The following TMEM44 variants were observed in gnomAD, a reference collection of about 807,000 sequenced individuals.
TMEM44 encodes transmembrane protein 44.
A neutral mutation model predicts 47.8 loss-of-function variants in TMEM44; 43 were observed. The observed-to-expected ratio is 0.90, with a 90% confidence interval of 0.70 to 1.16. TMEM44 has a LOEUF of 1.16. Ranked by LOEUF, TMEM44 falls within the 50% of genes most tolerant of loss-of-function variation. The pLI, the probability that TMEM44 is intolerant of heterozygous loss-of-function variation, is 0.00. For missense variants in TMEM44, 568 were observed against 555.2 expected (o/e 1.02, Z -0.23); for synonymous variants, 277 against 238.8 (o/e 1.16, Z -1.48).
intron 7 of TMEM44, among the ~76,000 whole-genome samples, chr3:194,614,872 A>C (rs1201281813): frequency 2.6e-5 from 4 of 152,224 alleles, no homozygotes; most frequent in Non-Finnish European, 2.9e-5. Context: ...ACATTTGTAT[A>C]ATTGCGAAAC....
rs760092862 is a variant in TMEM44, at chr3:194,611,026, A to T, written c.913-6T>A. The T allele has an allele frequency of 6.2e-7, 1 of 1,612,332 alleles. No individual in the cohort carries two copies. The highest frequency in any genetic ancestry group is 8.5e-7 in the Non-Finnish European group (1 of 1,178,636). On this transcript the variant is annotated splice_region_variant and splice_polypyrimidine_tract_variant and intron_variant, in intron 7 of 9. Transcript: ENST00000347147. The surrounding 1 kb of genome is among the most constrained non-coding windows in gnomAD (Gnocchi z 4.2). ...AGAGGCACCCAATCCAAATTCTTGC[A>T]AGTAGAGGCAGGGAGACAGAAAGGG...
Position 194,633,234 on chromosome 3 carries a change from G to C in TMEM44, c.-19C>G. 7.6e-7 allele frequency: 1 copy of C among 1,312,120 alleles called. No homozygotes were observed. The allele number at this position is 1,312,120 out of a possible 1,614,324, so 81.3% of individuals were successfully genotyped here. A position where few individuals can be genotyped will look rare whatever the true frequency, so the allele number is the denominator to read the frequency against. On this transcript the variant is annotated 5_prime_UTR_variant, in exon 1 of 10. Coordinates refer to ENST00000347147, the MANE Select transcript of TMEM44 (RefSeq NM_001011655.3). The stretch of plus-strand genomic sequence containing the variant: ...CCCCCATGGCGCGGCTGGGCGCGCG[G>C]CGCGGGGCCGGGGACCTGGGCGCAG...
intron 7 of TMEM44, among the ~76,000 whole-genome samples, chr3:194,613,438 A>G (rs1214454022): frequency 6.6e-6 from 1 of 151,944 alleles, no homozygotes; most frequent in Non-Finnish European, 1.5e-5. Flanking sequence ...TCGGCCTCCC[A>G]AAGTGCTGGC....
chr3:194,617,246 G>A lies in TMEM44; in HGVS notation c.636C>T (p.Ser212=). 6.5e-7 allele frequency: 1 copy of A among 1,544,700 alleles called. No homozygotes were observed. The highest frequency in any genetic ancestry group is 8.7e-7 in the Non-Finnish European group (1 of 1,143,664). The change falls in exon 6 of 10, where the codon TCC becomes TCT. Residue 212 remains serine (S), a synonymous_variant. Transcript: ENST00000347147. The part of the protein sequence containing the change: ...SRICRGKTFP[S]IHLWTRLLSA... ...ACAGGAGCCGGGTCCACAGGTGGAT[G>A]GAGGGAAATGTCTTCCCCCGGCACT... is the stretch of plus-strand genomic sequence containing the variant.
chr3:194,627,933 C>T (rs1717348317), intron 2 of TMEM44, among the ~76,000 whole-genome samples: 1 of 152,034 alleles, frequency 6.6e-6, no homozygotes, highest in African/African-American at 2.4e-5. Flanking sequence ...GAGCCAAGAC[C>T]AAGTCATTGC....
chr3:194,633,381 G>A lies in TMEM44; in HGVS notation c.-166C>T. On this transcript the variant is annotated 5_prime_UTR_variant, in exon 1 of 10. Transcript: ENST00000347147. ...GCGGGCAGAGAAGGGCGCGCTCCCG[G>A]GCGCGGGCGGCGGCGGCGAAGGCGC... 4.9e-6 allele frequency: 1 copy of A among 204,834 alleles called. No homozygotes were observed. The highest frequency in any genetic ancestry group is 8.7e-6 in the Non-Finnish European group (1 of 115,222). 12.7% of individuals were successfully genotyped at this position (204,834 alleles called of 1,614,324 possible).
rs867637945 is a variant in TMEM44 at position 194,625,432 on chromosome 3, G to C, written c.358+465C>G. 6.7e-3 allele frequency among the ~76,000 whole-genome samples: 635 copies of C among 95,356 alleles called. 6 individuals are homozygous for C. Among genetic ancestry groups the C allele is most frequent in the Admixed American group, 0.017 (171 of 10,130 alleles). 62.6% of individuals were successfully genotyped at this position (95,356 alleles called of 152,430 possible). On this transcript the variant is annotated intron_variant, in intron 3 of 9. Coordinates refer to ENST00000347147, the MANE Select transcript of TMEM44 (RefSeq NM_001011655.3). ...AATGAGACACTCTCCTTCTTTTTTGGGGGGGGGGGGTTGTTTTTGTTTTTT... is the reference window on the plus strand; with the variant it reads ...AATGAGACACTCTCCTTCTTTTTTGCGGGGGGGGGGTTGTTTTTGTTTTTT...
chr3:194,603,988 G>A (rs945450678), intron 9 of TMEM44, among the ~76,000 whole-genome samples: 2 of 151,948 alleles, frequency 1.3e-5, no homozygotes, highest in Non-Finnish European at 2.9e-5. Context: ...TGGGTAGCTG[G>A]GATAACAGGT....
chr3:194,604,457 G>C lies in TMEM44; in HGVS notation c.1018-12C>G. On this transcript the variant is annotated splice_polypyrimidine_tract_variant and intron_variant, in intron 8 of 9. Coordinates refer to ENST00000347147, the MANE Select transcript of TMEM44 (RefSeq NM_001011655.3). ...GCACTGCAGCCTGCCTGCAAGGTGT[G>C]TGAGAAAGGGCAGGCAAGGACACGT... 1 of 1,493,942 alleles carries C rather than the reference G, an allele frequency of 6.7e-7. No individual in the cohort carries two copies. The highest frequency in any genetic ancestry group is 9.0e-7 in the Non-Finnish European group (1 of 1,115,604). 92.5% of individuals were successfully genotyped at this position (1,493,942 alleles called of 1,614,324 possible).
chr3:194,593,130 C>A lies in TMEM44; in HGVS notation c.1177-4491G>T, dbSNP rs1478046868. The A allele has an allele frequency of 1.2e-5, 19 of 1,578,662 alleles. No individual in the cohort carries two copies. In the East Asian group the frequency reaches 3.8e-4, roughly 32 times the overall value. On this transcript the variant is annotated intron_variant, in intron 9 of 9. Coordinates refer to ENST00000347147, the MANE Select transcript of TMEM44 (RefSeq NM_001011655.3). The stretch of plus-strand genomic sequence containing the variant: ...TTGGACAGATTTTGCCACCATCCCA[C>A]AGCAGAGCAGAGCTCAGGACCAGCT...
At position 194,595,279 on chromosome 3, in the gene TMEM44, G is replaced by A. The variant is rs146350854; in HGVS notation, c.1177-6640C>T. On this transcript the variant is annotated intron_variant, in intron 9 of 9. Transcript: ENST00000347147. ...ATCACCTCCTCAAACCACTGCATACGGCATTTTAATTTGCCTCATGTCTAA... is the reference window on the plus strand; with the variant it reads ...ATCACCTCCTCAAACCACTGCATACAGCATTTTAATTTGCCTCATGTCTAA... Among the ~76,000 whole-genome samples the A allele has an allele frequency of 3.9e-4, 59 of 152,182 alleles. 1 individual carries two copies. The East Asian group carries it at 8.9e-3, about 23-fold the overall frequency.
At chr3:194,614,483 C>T (rs534147137) in intron 7 of TMEM44, among the ~76,000 whole-genome samples, 2 of 152,218 alleles carry the variant, frequency 1.3e-5, no homozygotes, top group Non-Finnish European at 2.9e-5. Flanking sequence ...TGGCTCACTG[C>T]AACCTCTGCC....
At chr3:194,632,765 G>A (rs576026917) in intron 1 of TMEM44, among the ~76,000 whole-genome samples, 4 of 152,244 alleles carry the variant, frequency 2.6e-5, no homozygotes, top group African/African-American at 9.6e-5. Context: ...AGAGGTTCTG[G>A]AGCTTGCCCA....
Position 194,610,918 on chromosome 3 carries a change from GC to G in TMEM44, c.1014del (p.Gln338HisfsTer61), listed in dbSNP as rs147834017. On this transcript the variant is annotated frameshift_variant, in exon 8 of 10. Transcript: ENST00000347147. LOFTEE classifies it high-confidence loss of function. Reference sequence around the variant, plus strand: ...GGCCATGACCGATGGCCACTCACCTGCTGCACAGGCTCGATGGTCAGCTCCA... The same window carrying G: ...GGCCATGACCGATGGCCACTCACCTGTGCACAGGCTCGATGGTCAGCTCCA... Reference protein sequence around the residue: ...RYMELTIEPVQQAGCSATRLP... With the variant: ...RYMELTIEPVXQAGCSATRLP... 2.0e-5 allele frequency: 33 copies of G among 1,613,084 alleles called. No individual in the cohort carries two copies. The highest frequency in any genetic ancestry group is 2.8e-5 in the Non-Finnish European group (33 of 1,179,600).
At position 194,610,977 on chromosome 3, in the gene TMEM44, G is replaced by A. The variant is rs770420871; in HGVS notation, c.956C>T (p.Ser319Leu). Reference sequence around the variant, plus strand: ...ACTGATTGCTGTCATTGTCCTCAGTGACTTGCAGTGTGACAGTGTGGTGAG... The same window carrying A: ...ACTGATTGCTGTCATTGTCCTCAGTAACTTGCAGTGTGACAGTGTGGTGAG... ...VPLTTLSHCK[S>L]LRTMTAISRY... Residue 319 changes from serine to leucine, a missense_variant, in exon 8 of 10, where the codon TCA (serine) becomes TTA (leucine). Coordinates refer to ENST00000347147, the MANE Select transcript of TMEM44 (RefSeq NM_001011655.3). The A allele has an allele frequency of 6.2e-7, 1 of 1,614,080 alleles. No individual in the cohort carries two copies. Among genetic ancestry groups the A allele is most frequent in the Non-Finnish European group, 8.5e-7 (1 of 1,180,004 alleles).
intron 9 of TMEM44, chr3:194,592,981 G>T: frequency 6.3e-7 from 1 of 1,592,748 alleles, no homozygotes; most frequent in South Asian, 1.1e-5. Flanking sequence ...ACAAAAACAG[G>T]AACTGAAATC....
intron 9 of TMEM44, among the ~76,000 whole-genome samples, chr3:194,603,961 C>T (rs1220256008): frequency 6.6e-6 from 1 of 152,086 alleles, no homozygotes; most frequent in Non-Finnish European, 1.5e-5. Flanking sequence ...TCAAGAGATT[C>T]TCCTGCCTTC....
chr3:194,598,858 C>T (rs1485395782), intron 9 of TMEM44, among the ~76,000 whole-genome samples: 1 of 152,052 alleles, frequency 6.6e-6, no homozygotes, highest in African/African-American at 2.4e-5. Context: ...AACACGTCAC[C>T]TTAAAGACAC....
intron 9 of TMEM44, among the ~76,000 whole-genome samples, chr3:194,601,045 C>T (rs1714038606): frequency 6.6e-6 from 1 of 152,012 alleles, no homozygotes; most frequent in Non-Finnish European, 1.5e-5. Context: ...GAGGCTGCAG[C>T]TGCTGAACTT....
Sources: gnomAD v4.1 joint callset for allele counts (sites outside exome capture counted in the v4.1 genomes callset) on GRCh38, gnomAD v4.1.1 for gene constraint, Gnocchi (gnomAD v3.1) non-coding constraint, MANE v1.5 for transcripts, NCBI Gene and HGNC (gene_info 2026-07-23, HGNC 2026-07-21) for gene names.